The following ADAMTSL3 variants were observed in gnomAD, a reference collection of about 807,000 sequenced individuals.
ADAMTSL3 encodes the protein ADAMTS like 3.
Under a neutral mutation model 201.7 loss-of-function variants are expected in ADAMTSL3, and 128 were observed. The ratio of observed to expected loss-of-function variants is 0.63; its 90% CI spans 0.55 to 0.73. ADAMTSL3 has a LOEUF of 0.73. Among genes scored for constraint, ADAMTSL3 ranks in the 30% least tolerant of loss-of-function variants. The pLI is 0.00. For missense variants in ADAMTSL3, 1,990 were observed against 2,119.6 expected (o/e 0.94, Z 1.20); for synonymous variants, 738 against 748.4 (o/e 0.99, Z 0.23).
At chr15:83,864,114 A>C (rs1057245525) in intron 8 of ADAMTSL3, among the ~76,000 whole-genome samples, 3 of 152,194 alleles carry the variant, frequency 2.0e-5, no homozygotes, top group African/African-American at 7.2e-5. Context: ...AATTGAGGCA[A>C]TAATTAATAG....
chr15:83,740,607 C>A (rs910421297), intron 3 of ADAMTSL3, among the ~76,000 whole-genome samples: 2 of 151,998 alleles, frequency 1.3e-5, no homozygotes, highest in Non-Finnish European at 2.9e-5. Context: ...ATAACACAAA[C>A]GGACATAAAG....
chr15:83,899,145 G>A (rs2065674385), intron 14 of ADAMTSL3, among the ~76,000 whole-genome samples: 1 of 152,266 alleles, frequency 6.6e-6, no homozygotes, highest in Non-Finnish European at 1.5e-5. Context: ...CATGCCAGAT[G>A]TAATTGGTAA....
chr15:83,822,712 T>A (rs1301129189), intron 6 of ADAMTSL3, among the ~76,000 whole-genome samples: 1 of 126,870 alleles, frequency 7.9e-6, no homozygotes, highest in East Asian at 2.5e-4. Context: ...CTTTCCAGAC[T>A]GGGCAGCCAG....
At chr15:83,914,785 G>A (rs1272186123) in intron 16 of ADAMTSL3, among the ~76,000 whole-genome samples, 1 of 152,146 alleles carries the variant, frequency 6.6e-6, no homozygotes, top group Non-Finnish European at 1.5e-5. Context: ...CCAAACTCCT[G>A]CCTGCTCTTG....
At chr15:83,931,539 T>C (rs1320434594) in intron 17 of ADAMTSL3, among the ~76,000 whole-genome samples, 1 of 152,228 alleles carries the variant, frequency 6.6e-6, no homozygotes, top group Admixed American at 6.5e-5. Context: ...GACCCATGTA[T>C]CTACTTTCGG....
At chr15:84,022,723 T>G (rs938800841) in intron 26 of ADAMTSL3, among the ~76,000 whole-genome samples, 3 of 152,108 alleles carry the variant, frequency 2.0e-5, no homozygotes, top group African/African-American at 7.2e-5. Context: ...AGTAAATGAG[T>G]GGAAGAATTG....
intron 2 of ADAMTSL3, among the ~76,000 whole-genome samples, chr15:83,686,353 G>C (rs561005804): frequency 3.3e-5 from 5 of 152,202 alleles, no homozygotes; most frequent in Non-Finnish European, 7.3e-5. Flanking sequence ...TCATCCAAGT[G>C]TCAGAAATAG....
At position 83,655,834 on chromosome 15, in the gene ADAMTSL3, A is replaced by G. The variant is rs1490816628; in HGVS notation, c.69+4A>G. 6.2e-7 allele frequency: 1 copy of G among 1,613,508 alleles called. No individual in the cohort carries two copies. Among genetic ancestry groups the G allele is most frequent in the East Asian group, 2.2e-5 (1 of 44,858 alleles). On this transcript the variant is annotated splice_donor_region_variant and intron_variant, in intron 2 of 29. Transcript: ENST00000286744. Reference sequence around the variant, plus strand: ...CATGCACTCTCCCCTCCCGCAGGTAAGGTCATATAGGGAGGGGAAGGGAAA... The same window carrying G: ...CATGCACTCTCCCCTCCCGCAGGTAGGGTCATATAGGGAGGGGAAGGGAAA...
intron 3 of ADAMTSL3, chr15:83,739,752 T>A: frequency 2.1e-6 from 1 of 470,110 alleles, no homozygotes; most frequent in South Asian, 1.7e-5. Context: ...CTTCACCTCC[T>A]CCAGTGCCAA....
At chr15:83,893,098 A>G (rs1472776414) in intron 13 of ADAMTSL3, among the ~76,000 whole-genome samples, 1 of 152,134 alleles carries the variant, frequency 6.6e-6, no homozygotes, top group Non-Finnish European at 1.5e-5. Context: ...AATATTAAGG[A>G]CATTAATAAT....
intron 3 of ADAMTSL3, among the ~76,000 whole-genome samples, chr15:83,767,325 C>T (rs1458812371): frequency 1.3e-5 from 2 of 152,230 alleles, no homozygotes; most frequent in Non-Finnish European, 2.9e-5. Flanking sequence ...CTTCCATGCT[C>T]TGCCTCAGAT....
intron 20 of ADAMTSL3, among the ~76,000 whole-genome samples, chr15:83,971,663 G>A (rs1246931789): frequency 6.6e-6 from 1 of 151,078 alleles, no homozygotes; most frequent in Non-Finnish European, 1.5e-5. Flanking sequence ...AAAGCAGGCA[G>A]CAGAGTGGTG....
At chr15:83,804,565 T>C (rs1247381102) in intron 4 of ADAMTSL3, 85 bp from the exon 5 acceptor site, 7 of 901,836 alleles carry the variant, frequency 7.8e-6, no homozygotes, top group Non-Finnish European at 1.2e-5. Flanking sequence ...ACCAATGCCT[T>C]GTATTTGCTT....
At chr15:83,991,855 T>A (rs2067588409) in intron 23 of ADAMTSL3, among the ~76,000 whole-genome samples, 1 of 152,232 alleles carries the variant, frequency 6.6e-6, no homozygotes, top group Non-Finnish European at 1.5e-5. Context: ...AGCCATGGAT[T>A]CTTAAGTCTT....
In ADAMTSL3 at chr15:83,741,178, A is replaced by G. The variant is rs144267992; in HGVS notation, c.190-32345A>G. On this transcript the variant is annotated intron_variant, in intron 3 of 29. Coordinates refer to ENST00000286744, the MANE Select transcript of ADAMTSL3 (RefSeq NM_207517.3). ...TGGACCAAATACTAAAACTCTAAAT[A>G]TATATTAATAGATAGCAATTAGTTA... Among the ~76,000 whole-genome samples the G allele has an allele frequency of 5.1e-3, 764 of 151,280 alleles. 13 individuals carry two copies. Among genetic ancestry groups the G allele is most frequent in the Admixed American group, 0.038 (575 of 15,154 alleles).
At chr15:83,765,962 A>G (rs931416292) in intron 3 of ADAMTSL3, among the ~76,000 whole-genome samples, 1 of 152,236 alleles carries the variant, frequency 6.6e-6, no homozygotes, top group Non-Finnish European at 1.5e-5. Flanking sequence ...ATAAAAGAAG[A>G]AAGTAAAAAG....
chr15:83,906,622 C>CCACACACACACACA (rs1157198460), intron 15 of ADAMTSL3, among the ~76,000 whole-genome samples: 1 of 79,036 alleles, frequency 1.3e-5, no homozygotes. Flanking sequence ...GTGCCACACA[C>CCACACACACACACA]CACACACACA....
At chr15:84,001,285 C>G (rs138060777) in intron 23 of ADAMTSL3, among the ~76,000 whole-genome samples, 7 of 152,152 alleles carry the variant, frequency 4.6e-5, no homozygotes, top group Non-Finnish European at 8.8e-5. Flanking sequence ...TGGAGGGCAG[C>G]CATATTGCAA....
intron 3 of ADAMTSL3, among the ~76,000 whole-genome samples, chr15:83,713,606 G>A (rs1596072754): frequency 6.6e-6 from 1 of 152,018 alleles, no homozygotes; most frequent in East Asian, 1.9e-4. Flanking sequence ...TGTCACATAT[G>A]AACTCTGAAT....
Sources: allele counts gnomAD v4.1 joint callset (sites outside exome capture counted in the v4.1 genomes callset), GRCh38; gene constraint gnomAD v4.1.1; transcripts MANE v1.5; gene names NCBI Gene and HGNC (gene_info 2026-07-23, HGNC 2026-07-21).